Variants in RTN1 observed in about 807,000 individuals in gnomAD.
RTN1 encodes reticulon-1.
A neutral mutation model predicts 65.5 loss-of-function variants in RTN1; 25 were observed. The ratio of observed to expected loss-of-function variants is 0.38; its 90% CI spans 0.28 to 0.53. The LOEUF (loss-of-function observed/expected upper bound fraction) is 0.53. Among genes scored for constraint, RTN1 ranks in the 20% least tolerant of loss-of-function variants. The pLI is 0.79. For missense variants in RTN1, 983 were observed against 1,025.4 expected (o/e 0.96, Z 0.57); for synonymous variants, 471 against 447.6 (o/e 1.05, Z -0.66).
At chr14:59,635,544 A>ACT (rs1882646297) in intron 3 of RTN1, among the ~76,000 whole-genome samples, 1 of 152,234 alleles carries the variant, frequency 6.6e-6, no homozygotes, top group Non-Finnish European at 1.5e-5. Context: ...GAGTGGGAAG[A>ACT]GTAAAAGCAT....
intron 1 of RTN1, among the ~76,000 whole-genome samples, chr14:59,820,015 G>A (rs1030245251): frequency 2.0e-5 from 3 of 152,228 alleles, no homozygotes; most frequent in Non-Finnish European, 2.9e-5. Context: ...GGGCTGAAGG[G>A]CTACTCAAGC....
intron 1 of RTN1, among the ~76,000 whole-genome samples, chr14:59,807,024 C>G (rs1238054556): frequency 6.6e-6 from 1 of 152,168 alleles, no homozygotes; most frequent in Non-Finnish European, 1.5e-5. Context: ...AATGGGAAAA[C>G]CAATTTTGTA....
Position 59,852,954 on chromosome 14 carries a change from C to CAT in RTN1, c.241+17434_241+17435dup, listed in dbSNP as rs1327652035. 3.3e-5 allele frequency among the ~76,000 whole-genome samples: 5 copies of CAT among 152,174 alleles called. 1 individual carries two copies. The highest frequency in any genetic ancestry group is 3.3e-4 in the Admixed American group (5 of 15,276). On this transcript the variant is annotated intron_variant, in intron 1 of 8. Coordinates refer to ENST00000267484, the MANE Select transcript of RTN1 (RefSeq NM_021136.3). ...CAACTTCATACTTTGTGTCTGTGTA[C>CAT]ATATATATATTAAACGCTTAATAAA... is the stretch of plus-strand genomic sequence containing the variant.
chr14:59,809,654 A>T (rs1175791266), intron 1 of RTN1, among the ~76,000 whole-genome samples: 1 of 152,178 alleles, frequency 6.6e-6, no homozygotes, highest in Non-Finnish European at 1.5e-5. Flanking sequence ...GCTTTAATGT[A>T]TCCATTGGAC....
At chr14:59,862,517 T>C (rs1334306431) in intron 1 of RTN1, among the ~76,000 whole-genome samples, 1 of 152,134 alleles carries the variant, frequency 6.6e-6, no homozygotes, top group East Asian at 1.9e-4. Context: ...CTTACTCTAG[T>C]ACCATTACTC....
chr14:59,731,654 C>T (rs1456617329), intron 2 of RTN1, among the ~76,000 whole-genome samples: 1 of 151,936 alleles, frequency 6.6e-6, no homozygotes, highest in Non-Finnish European at 1.5e-5. Context: ...TGGATTGTAC[C>T]CTTACTGCTT....
chr14:59,738,656 T>C (rs923143107), intron 2 of RTN1, among the ~76,000 whole-genome samples: 2 of 152,226 alleles, frequency 1.3e-5, no homozygotes, highest in African/African-American at 4.8e-5. Context: ...ACTGGGTATA[T>C]ACCCAAAGGA....
chr14:59,731,961 C>T (rs1340570881), intron 2 of RTN1, among the ~76,000 whole-genome samples: 5 of 152,142 alleles, frequency 3.3e-5, no homozygotes, highest in African/African-American at 9.7e-5. Context: ...TATTCCCTGC[C>T]GCTCCTAGAG....
intron 1 of RTN1, among the ~76,000 whole-genome samples, chr14:59,808,735 G>A (rs1886678874): frequency 6.6e-6 from 1 of 152,148 alleles, no homozygotes; most frequent in Non-Finnish European, 1.5e-5. Context: ...TAGATTAGCA[G>A]CATCTTCATG....
intron 3 of RTN1, among the ~76,000 whole-genome samples, chr14:59,673,451 A>G (rs527504223): frequency 1.9e-3 from 292 of 152,318 alleles, no homozygotes; most frequent in Non-Finnish European, 2.7e-3. Flanking sequence ...CAAGAGGAAT[A>G]ACATCTGCAC....
At chr14:59,764,330 T>G (rs1885807684) in intron 1 of RTN1, among the ~76,000 whole-genome samples, 1 of 152,114 alleles carries the variant, frequency 6.6e-6, no homozygotes, top group Non-Finnish European at 1.5e-5. Context: ...CTACTTTTTT[T>G]TTTTTTTGAG....
At chr14:59,724,274 C>CACGT (rs1884709604) in intron 3 of RTN1, among the ~76,000 whole-genome samples, 1 of 152,170 alleles carries the variant, frequency 6.6e-6, no homozygotes, top group Admixed American at 6.5e-5. Context: ...CTTGTTAGAG[C>CACGT]ACGTGCACCA....
chr14:59,597,707 G>A (rs113443592), intron 8 of RTN1, among the ~76,000 whole-genome samples: 9,176 of 152,250 alleles, frequency 0.06, 355 homozygotes, highest in Non-Finnish European at 0.087. Context: ...AGGCAGTGAG[G>A]GGCACAGTGG....
At chr14:59,859,606 G>C (rs1887669786) in intron 1 of RTN1, among the ~76,000 whole-genome samples, 2 of 152,344 alleles carry the variant, frequency 1.3e-5, no homozygotes, top group Non-Finnish European at 1.5e-5. Context: ...AAGTGGGTAA[G>C]AGGCAGAGGT....
intron 1 of RTN1, among the ~76,000 whole-genome samples, chr14:59,811,976 G>C (rs923626861): frequency 6.6e-6 from 1 of 152,124 alleles, no homozygotes; most frequent in Non-Finnish European, 1.5e-5. Context: ...AGGAGGGAAG[G>C]TTAGTGCCTT....
At chr14:59,625,577 CTG>C (rs1882373817) in intron 3 of RTN1, among the ~76,000 whole-genome samples, 1 of 152,124 alleles carries the variant, frequency 6.6e-6, no homozygotes, top group Non-Finnish European at 1.5e-5. Context: ...TTTATCAACA[CTG>C]TTTTTGTTGC....
rs934951380 is a variant in RTN1 at position 59,816,104 on chromosome 14, T to G, written c.241+54286A>C. The stretch of plus-strand genomic sequence containing the variant: ...AATACACAGAAACACAATTTCTCTC[T>G]CCCTAACACTTGAGTGTAGGATCCT... On this transcript the variant is annotated intron_variant, in intron 1 of 8. Transcript: ENST00000267484. This position sits in a 1 kb window ranked among gnomAD's most constrained non-coding sequence, Gnocchi z 4.3. Among the ~76,000 whole-genome samples the G allele has an allele frequency of 1.3e-5, 2 of 152,186 alleles. No individual in the cohort carries two copies. Among genetic ancestry groups the G allele is most frequent in the Non-Finnish European group, 2.9e-5 (2 of 68,032 alleles).
intron 3 of RTN1, among the ~76,000 whole-genome samples, chr14:59,721,273 C>A (rs759917397): frequency 4.7e-4 from 71 of 152,326 alleles, no homozygotes; most frequent in Admixed American, 1.4e-3. Context: ...AGCTGCTATA[C>A]ACAGAGGAGG....
chr14:59,746,577 G>T, intron 1 of RTN1, 96 bp from the exon 2 acceptor site: 1 of 1,075,242 alleles, frequency 9.3e-7, no homozygotes, highest in Non-Finnish European at 1.3e-6. Context: ...GTGAAGACAT[G>T]ACATCCTTTC....
Sources: gnomAD v4.1 joint callset for allele counts (sites outside exome capture counted in the v4.1 genomes callset) on GRCh38, gnomAD v4.1.1 for gene constraint, Gnocchi (gnomAD v3.1) non-coding constraint, MANE v1.5 for transcripts, NCBI Gene and HGNC (gene_info 2026-07-23, HGNC 2026-07-21) for gene names.